The following MGAT4C variants were observed in gnomAD, a reference collection of about 807,000 sequenced individuals.
MGAT4C encodes the protein alpha-1,3-mannosyl-glycoprotein 4-beta-N-acetylglucosaminyltransferase C.
In MGAT4C, 19 loss-of-function variants were observed where a neutral mutation model predicts 40.1. The observed-to-expected ratio is 0.47, with a 90% CI of 0.33 to 0.70. MGAT4C has a LOEUF of 0.70. MGAT4C is among the 30% of genes least tolerant of loss of function. The probability of loss-of-function intolerance (pLI) is 0.02; values close to 1 mark genes in which losing one functional copy is unlikely to be tolerated. For missense variants in MGAT4C, 491 were observed against 563.2 expected (o/e 0.87, Z 1.30); for synonymous variants, 181 against 187.1 (o/e 0.97, Z 0.27).
At chr12:86,132,935 A>G (rs943611341) in intron 1 of MGAT4C, among the ~76,000 whole-genome samples, 17 of 152,180 alleles carry the variant, frequency 1.1e-4, no homozygotes, top group South Asian at 8.3e-4. Context: ...TCATTTTTTC[A>G]TCATATTGAT....
intron 1 of MGAT4C, among the ~76,000 whole-genome samples, chr12:86,162,951 A>C (rs1348912894): frequency 2.0e-5 from 3 of 152,162 alleles, no homozygotes; most frequent in Non-Finnish European, 4.4e-5. Context: ...TTAGGATAAA[A>C]GTTGTATAGC....
In MGAT4C at chr12:86,302,944, C is replaced by T. The variant is rs139667672; in HGVS notation, c.-57+31121G>A. 7.4e-4 allele frequency among the ~76,000 whole-genome samples: 112 copies of T among 150,676 alleles called. 17 individuals carry two copies. Among genetic ancestry groups the T allele is most frequent in the African/African-American group, 2.7e-3 (107 of 40,122 alleles). On this transcript the variant is annotated intron_variant, in intron 4 of 7. Coordinates refer to the MGAT4C transcript ENST00000548651. The stretch of plus-strand genomic sequence containing the variant: ...TCCAAGAAGCAATGACAAGTTTTAC[C>T]TTGAGGAAAGGAATTCAGGGTCTAA...
chr12:86,354,909 G>A (rs145574638), intron 3 of MGAT4C, among the ~76,000 whole-genome samples: 5 of 152,334 alleles, frequency 3.3e-5, no homozygotes, highest in African/African-American at 1.2e-4. Flanking sequence ...ACTGTGAAGA[G>A]CAAAAGAACA....
chr12:86,766,770 T>G (rs895309278), intron 1 of MGAT4C, among the ~76,000 whole-genome samples: 10 of 151,874 alleles, frequency 6.6e-5, no homozygotes, highest in Admixed American at 2.0e-4. Context: ...GAATGACTAC[T>G]GGGTACATAA....
chr12:86,684,843 A>C (rs1366438304), intron 2 of MGAT4C, among the ~76,000 whole-genome samples: 1 of 151,906 alleles, frequency 6.6e-6, no homozygotes, highest in Admixed American at 6.6e-5. Context: ...TCTTTTGAGA[A>C]GTGTCTGTTC....
chr12:86,827,499 T>C (rs1205372706), intron 1 of MGAT4C, among the ~76,000 whole-genome samples: 2 of 151,468 alleles, frequency 1.3e-5, no homozygotes, highest in Admixed American at 1.3e-4. Flanking sequence ...GTCATGAGTA[T>C]ACTTGTAGAT....
At chr12:86,580,404 G>A (rs922557311) in intron 2 of MGAT4C, among the ~76,000 whole-genome samples, 1 of 151,344 alleles carries the variant, frequency 6.6e-6, no homozygotes, top group African/African-American at 2.4e-5. Context: ...TATCCCTAAG[G>A]TATAGATTAT....
intron 2 of MGAT4C, among the ~76,000 whole-genome samples, chr12:86,698,398 T>C (rs985595849): frequency 2.6e-5 from 4 of 152,026 alleles, no homozygotes; most frequent in African/African-American, 4.8e-5. Context: ...TGTATGCATG[T>C]GTGTGAACTT....
intron 2 of MGAT4C, among the ~76,000 whole-genome samples, chr12:86,042,570 T>A (rs1451704971): frequency 1.3e-5 from 2 of 152,098 alleles, no homozygotes; most frequent in Non-Finnish European, 2.9e-5. Context: ...CTTATGAAGA[T>A]TAGTTTGGCT....
chr12:86,154,597 C>T (rs763976912), intron 1 of MGAT4C, among the ~76,000 whole-genome samples: 1 of 152,100 alleles, frequency 6.6e-6, no homozygotes, highest in African/African-American at 2.4e-5. Flanking sequence ...CAGTTGGTAA[C>T]CTGTGCACAG....
chr12:86,554,147 C>T (rs1383120204), intron 2 of MGAT4C, among the ~76,000 whole-genome samples: 1 of 151,778 alleles, frequency 6.6e-6, no homozygotes, highest in East Asian at 1.9e-4. Context: ...CACACACACA[C>T]ACACACACAC....
chr12:86,787,290 T>C lies in MGAT4C; in HGVS notation c.-262+51376A>G, dbSNP rs1951946247. On this transcript the variant is annotated intron_variant, in intron 1 of 7. Transcript: ENST00000548651. ...TATCTCACTTAAGATAATGACAAGT[T>C]CCATCCACATTGCCTCAAAAGACAT... is the stretch of plus-strand genomic sequence containing the variant. Among the ~76,000 whole-genome samples the C allele has an allele frequency of 4.6e-5, 7 of 151,616 alleles. 1 individual carries two copies. The South Asian group carries it at 8.4e-4, about 18-fold the overall frequency.
intron 1 of MGAT4C, among the ~76,000 whole-genome samples, chr12:86,170,848 G>A (rs116122790): frequency 3.3e-4 from 50 of 152,196 alleles, no homozygotes; most frequent in South Asian, 1.0e-3. Context: ...AGCTACTAGA[G>A]AGGCTGAGGT....
At chr12:86,028,107 G>C in intron 2 of MGAT4C, 1 of 1,284,514 alleles carries the variant, frequency 7.8e-7, no homozygotes, top group Non-Finnish European at 1.0e-6. Flanking sequence ...ATAATACCTT[G>C]CATCTTCTGG....
intron 1 of MGAT4C, among the ~76,000 whole-genome samples, chr12:86,734,624 C>G (rs1022375128): frequency 1.3e-5 from 2 of 152,008 alleles, no homozygotes; most frequent in African/African-American, 4.8e-5. Context: ...CTTCTTCTCT[C>G]TCTGCCCTGT....
At chr12:86,434,876 A>G (rs1311327091) in intron 3 of MGAT4C, among the ~76,000 whole-genome samples, 1 of 151,910 alleles carries the variant, frequency 6.6e-6, no homozygotes, top group Non-Finnish European at 1.5e-5. Context: ...GAAGATCTAC[A>G]GTATAAACAT....
intron 1 of MGAT4C, among the ~76,000 whole-genome samples, chr12:86,241,200 G>C (rs1951769415): frequency 6.6e-6 from 1 of 152,110 alleles, no homozygotes; most frequent in African/African-American, 2.4e-5. Flanking sequence ...CCACAGTAAT[G>C]ATTATTTTTG....
chr12:86,334,699 C>T (rs780380340), intron 3 of MGAT4C, among the ~76,000 whole-genome samples: 13 of 151,782 alleles, frequency 8.6e-5, no homozygotes, highest in South Asian at 2.1e-4. Flanking sequence ...CCTTTATAGC[C>T]GCAATAATTT....
chr12:86,698,356 T>G (rs892948455), intron 2 of MGAT4C, among the ~76,000 whole-genome samples: 1 of 152,018 alleles, frequency 6.6e-6, no homozygotes, highest in African/African-American at 2.4e-5. Flanking sequence ...TTTGTGTATG[T>G]GTGTTTGTGT....
Sources: gnomAD v4.1 joint callset for allele counts (sites outside exome capture counted in the v4.1 genomes callset) on GRCh38, gnomAD v4.1.1 for gene constraint, MANE v1.5 for transcripts, NCBI Gene and HGNC (gene_info 2026-07-23, HGNC 2026-07-21) for gene names.